Variants in LRCH1 observed in about 807,000 individuals in gnomAD.
LRCH1 encodes the protein leucine-rich repeat and calponin homology domain-containing protein 1.
Under a neutral mutation model 94.9 loss-of-function variants are expected in LRCH1, and 23 were observed. The observed-to-expected ratio is 0.24, with a 90% CI of 0.17 to 0.34. The LOEUF (loss-of-function observed/expected upper bound fraction) is 0.34. Ranked by LOEUF, LRCH1 falls within the 10% of genes least tolerant of loss-of-function variation. LRCH1 has a pLI of 1.00. For missense variants in LRCH1, 790 were observed against 945.9 expected (o/e 0.84, Z 2.16); for synonymous variants, 364 against 354.9 (o/e 1.03, Z -0.29).
intron 18 of LRCH1, among the ~76,000 whole-genome samples, chr13:46,729,708 T>C (rs1873007029): frequency 6.6e-6 from 1 of 152,216 alleles, no homozygotes; most frequent in African/African-American, 2.4e-5. Flanking sequence ...GTTGGTAACT[T>C]CCCTTCTAAA....
At chr13:46,749,826 G>C (rs550793688), downstream of LRCH1, among the ~76,000 whole-genome samples, 28 of 152,272 alleles carry the variant, frequency 1.8e-4, no homozygotes, top group South Asian at 1.2e-3. Flanking sequence ...ACTGGTTTGT[G>C]GAGCATGAAA....
intron 2 of LRCH1, among the ~76,000 whole-genome samples, chr13:46,656,565 A>G (rs1414910439): frequency 6.6e-6 from 1 of 152,248 alleles, no homozygotes; most frequent in Non-Finnish European, 1.5e-5. Flanking sequence ...GACACCAAAA[A>G]CACAGTGAAC....
At chr13:46,614,262 A>G (rs560581411) in intron 1 of LRCH1, among the ~76,000 whole-genome samples, 70 of 152,052 alleles carry the variant, frequency 4.6e-4, no homozygotes, top group Admixed American at 9.2e-4. Context: ...ATATCTCCCC[A>G]TTTTCCCTGC....
rs1251525148 is a variant in LRCH1 at position 46,619,838 on chromosome 13, T to C, written c.308-30363T>C. ...ATTGTAGCTAAAATAGCTCCTTACG[T>C]TGAAGCATTTCCTCAATTCTATACC... On this transcript the variant is annotated intron_variant, in intron 1 of 19. Coordinates refer to ENST00000389797, the MANE Select transcript of LRCH1 (RefSeq NM_001164211.2). 3.9e-5 allele frequency among the ~76,000 whole-genome samples: 6 copies of C among 152,206 alleles called. No individual in the cohort carries two copies. In the East Asian group the frequency reaches 9.6e-4, roughly 24 times the overall value.
intron 9 of LRCH1, 120 bp downstream of exon 9, chr13:46,695,137 G>A: frequency 1.6e-6 from 2 of 1,236,236 alleles, no homozygotes; most frequent in East Asian, 2.3e-5. Flanking sequence ...CACCCTCCCT[G>A]AAGCGTTCCA....
In LRCH1 at chr13:46,553,301, T is replaced by G; in HGVS notation, c.-96T>G. ...CTTCCAGCGCCTTTCGGTGGAGCAC[T>G]GCGGCACTCAGCCCGAGCTGCCGTT... On this transcript the variant is annotated 5_prime_UTR_variant, in exon 1 of 20. Coordinates refer to ENST00000389797, the MANE Select transcript of LRCH1 (RefSeq NM_001164211.2). The G allele has an allele frequency of 1.2e-6, 1 of 814,128 alleles. No homozygotes were observed. Among genetic ancestry groups the G allele is most frequent in the Admixed American group, 2.9e-5 (1 of 34,328 alleles). 50.4% of individuals were successfully genotyped at this position (814,128 alleles called of 1,614,324 possible).
chr13:46,694,157 A>G (rs1327120637), intron 8 of LRCH1, among the ~76,000 whole-genome samples: 10 of 152,360 alleles, frequency 6.6e-5, no homozygotes, highest in South Asian at 2.1e-4. Flanking sequence ...TAAAAGAATT[A>G]TGTAATTTGT....
In LRCH1 at chr13:46,636,615, C is replaced by T. The variant is rs138404232; in HGVS notation, c.308-13586C>T. On this transcript the variant is annotated intron_variant, in intron 1 of 19. Coordinates refer to ENST00000389797, the MANE Select transcript of LRCH1 (RefSeq NM_001164211.2). ...AACCCACCTTCATCAGGCTTTTGCT[C>T]CTACATTCCCCCTCCACCACTTTTC... 5.9e-3 allele frequency among the ~76,000 whole-genome samples: 892 copies of T among 152,288 alleles called. 20 individuals carry two copies. The highest frequency in any genetic ancestry group is 0.014 in the East Asian group (71 of 5,178).
chr13:46,750,694 A>G lies in LRCH1; in HGVS notation c.*44A>G, dbSNP rs747232945. On this transcript the variant is annotated 3_prime_UTR_variant, in exon 19 of 19. Transcript: ENST00000311191. ...GGGGGCTCAGACTCTGCTCTCATCC[A>G]GGATCCTGAACTCTGCTCCAGGCAC... is the stretch of plus-strand genomic sequence containing the variant. 8.0e-6 allele frequency: 11 copies of G among 1,382,466 alleles called. No individual in the cohort carries two copies. In the East Asian group the frequency reaches 2.5e-4, roughly 31 times the overall value. The allele number at this position is 1,382,466 out of a possible 1,614,324, so 85.6% of individuals were successfully genotyped here.
At chr13:46,672,937 A>G (rs888178556) in intron 3 of LRCH1, among the ~76,000 whole-genome samples, 1 of 152,180 alleles carries the variant, frequency 6.6e-6, no homozygotes, top group Admixed American at 6.5e-5. Context: ...AAGCTGAAAC[A>G]CCCTCACCCA....
chr13:46,557,198 G>A (rs1377798798), intron 1 of LRCH1, among the ~76,000 whole-genome samples: 2 of 151,300 alleles, frequency 1.3e-5, no homozygotes, highest in Non-Finnish European at 2.9e-5. Context: ...GATTTATTAA[G>A]TAGTGTCGTT....
At chr13:46,621,819 G>T (rs1480534425) in intron 1 of LRCH1, among the ~76,000 whole-genome samples, 8 of 151,912 alleles carry the variant, frequency 5.3e-5, no homozygotes, top group Admixed American at 5.2e-4. Context: ...TTTGTATATT[G>T]TATTATAACA....
chr13:46,691,515 GA>G (rs1166123966), intron 7 of LRCH1, among the ~76,000 whole-genome samples: 1 of 152,186 alleles, frequency 6.6e-6, no homozygotes, highest in African/African-American at 2.4e-5. Context: ...AATTTATAAA[GA>G]AAAGAGGTTT....
chr13:46,645,972 C>A (rs2051215706), intron 1 of LRCH1, among the ~76,000 whole-genome samples: 1 of 152,086 alleles, frequency 6.6e-6, no homozygotes, highest in Admixed American at 6.5e-5. Flanking sequence ...GTGGAACTTT[C>A]TTTGAGTTGA....
Position 46,687,984 on chromosome 13 carries a change from G to A in LRCH1, c.950+5G>A. On this transcript the variant is annotated splice_donor_5th_base_variant and intron_variant, in intron 6 of 19. Transcript: ENST00000389797. ...ACACCAGCACGTGGAAGATGGGTGA[G>A]TCATGCCCTCATTCAAAGCCCCAGT... 2 of 1,603,948 alleles carry A rather than the reference G, an allele frequency of 1.2e-6. No homozygotes were observed. Among genetic ancestry groups the A allele is most frequent in the Non-Finnish European group, 1.7e-6 (2 of 1,175,274 alleles).
chr13:46,602,871 C>T (rs1473904139), intron 1 of LRCH1, among the ~76,000 whole-genome samples: 1 of 152,064 alleles, frequency 6.6e-6, no homozygotes, highest in African/African-American at 2.4e-5. Flanking sequence ...ATGGATTGAG[C>T]CCCGGAGGTC....
chr13:46,702,135 A>T (rs1203324987), intron 11 of LRCH1, among the ~76,000 whole-genome samples: 1 of 152,158 alleles, frequency 6.6e-6, no homozygotes, highest in Non-Finnish European at 1.5e-5. Context: ...ACCTTGGGGG[A>T]TGTAAAGATG....
intron 2 of LRCH1, among the ~76,000 whole-genome samples, chr13:46,650,722 C>CAAAAAAAAAAAAA (rs756410319): frequency 3.4e-5 from 2 of 58,222 alleles, no homozygotes; most frequent in Admixed American, 2.1e-4. Context: ...AAACAAGGAG[C>CAAAAAAAAAAAAA]AAAAAAAAAA....
chr13:46,691,162 T>A (rs997626049), intron 7 of LRCH1, among the ~76,000 whole-genome samples: 1 of 152,130 alleles, frequency 6.6e-6, no homozygotes, highest in Non-Finnish European at 1.5e-5. Context: ...ATGTGTTTTG[T>A]GGAGGTTCCT....
Sources: allele counts gnomAD v4.1 joint callset (sites outside exome capture counted in the v4.1 genomes callset), GRCh38; gene constraint gnomAD v4.1.1; transcripts MANE v1.5; gene names NCBI Gene and HGNC (gene_info 2026-07-23, HGNC 2026-07-21).